Variants in INPP4B observed in about 807,000 individuals in gnomAD.
INPP4B encodes inositol polyphosphate-4-phosphatase type II B, also known as inositol polyphosphate 4-phosphatase type II.
Under a neutral mutation model 122.5 loss-of-function variants are expected in INPP4B, and 55 were observed. The ratio of observed to expected loss-of-function variants is 0.45; its 90% CI spans 0.36 to 0.56. The LOEUF (loss-of-function observed/expected upper bound fraction) is 0.56, where lower values mean the gene tolerates loss of function less well. Ranked by LOEUF, INPP4B falls within the 20% of genes least tolerant of loss-of-function variation. The pLI, the probability that INPP4B is intolerant of heterozygous loss-of-function variation, is 0.00. For synonymous variants in INPP4B, 403 were observed against 388.7 expected (o/e 1.04, Z -0.43); for missense variants, 1,000 against 1,097.7 (o/e 0.91, Z 1.26).
At chr4:142,316,472 T>C (rs377160717) in intron 7 of INPP4B, among the ~76,000 whole-genome samples, 5 of 152,322 alleles carry the variant, frequency 3.3e-5, no homozygotes, top group African/African-American at 1.2e-4. Context: ...TAACTCTGTA[T>C]GTATATGTAT....
intron 18 of INPP4B, among the ~76,000 whole-genome samples, chr4:142,131,619 A>G (rs948265086): frequency 1.3e-5 from 2 of 152,220 alleles, no homozygotes; most frequent in Admixed American, 1.3e-4. Flanking sequence ...AAGTAACCAA[A>G]CAATGTAAAC....
intron 2 of INPP4B, among the ~76,000 whole-genome samples, chr4:142,476,939 T>G (rs982007865): frequency 2.0e-5 from 3 of 152,136 alleles, no homozygotes; most frequent in Non-Finnish European, 4.4e-5. Flanking sequence ...AGACCTGAAC[T>G]TGACATTTGA....
chr4:142,256,532 G>A (rs1257226864), intron 11 of INPP4B, among the ~76,000 whole-genome samples: 21 of 151,992 alleles, frequency 1.4e-4, no homozygotes, highest in African/African-American at 2.7e-4. Context: ...TATCACCACC[G>A]ATCCCACAGA....
chr4:142,782,075 G>A (rs1003407320), intron 1 of INPP4B, among the ~76,000 whole-genome samples: 1 of 151,786 alleles, frequency 6.6e-6, no homozygotes, highest in African/African-American at 2.4e-5. Context: ...CTGGTGTGCT[G>A]CACCCATTAA....
intron 1 of INPP4B, among the ~76,000 whole-genome samples, chr4:142,800,269 T>C (rs1297454335): frequency 4.6e-5 from 7 of 152,106 alleles, no homozygotes; most frequent in Admixed American, 2.0e-4. Flanking sequence ...AAGTGAGTAA[T>C]AATTTATACC....
intron 2 of INPP4B, among the ~76,000 whole-genome samples, chr4:142,652,863 T>G (rs1200215543): frequency 6.6e-6 from 1 of 152,180 alleles, no homozygotes; most frequent in Non-Finnish European, 1.5e-5. Flanking sequence ...AAAAAACTAT[T>G]TTAAAGTTCA....
intron 7 of INPP4B, among the ~76,000 whole-genome samples, chr4:142,399,759 T>C (rs548407003): frequency 6.6e-6 from 1 of 152,286 alleles, no homozygotes; most frequent in African/African-American, 2.4e-5. Context: ...TTATGGCAGC[T>C]CATCCTGAGG....
intron 2 of INPP4B, among the ~76,000 whole-genome samples, chr4:142,577,972 T>C (rs768863289): frequency 5.3e-5 from 8 of 152,018 alleles, no homozygotes; most frequent in African/African-American, 1.9e-4. Context: ...GTTACACTCA[T>C]GTAACCATGT....
At chr4:142,079,887 C>G (rs1347068597) in intron 25 of INPP4B, among the ~76,000 whole-genome samples, 1 of 152,044 alleles carries the variant, frequency 6.6e-6, no homozygotes, top group African/African-American at 2.4e-5. Flanking sequence ...TATTCACAAA[C>G]ATAAAACTAC....
intron 3 of INPP4B, among the ~76,000 whole-genome samples, chr4:142,448,118 A>G (rs1444486393): frequency 6.6e-6 from 1 of 152,034 alleles, no homozygotes; most frequent in Admixed American, 6.6e-5. Flanking sequence ...GTATCTCAGG[A>G]TGACAGGGAT....
chr4:142,550,691 C>A (rs551092641), intron 2 of INPP4B, among the ~76,000 whole-genome samples: 1 of 151,204 alleles, frequency 6.6e-6, no homozygotes, highest in South Asian at 2.1e-4. Context: ...AGTGTTCATT[C>A]AATTCAAACA....
chr4:142,766,451 C>A (rs1465147397), intron 1 of INPP4B, among the ~76,000 whole-genome samples: 1 of 151,772 alleles, frequency 6.6e-6, no homozygotes, highest in East Asian at 1.9e-4. Context: ...GTGGCACAAT[C>A]TTGGCTCACT....
At chr4:142,734,956 T>C (rs1486060385) in intron 1 of INPP4B, among the ~76,000 whole-genome samples, 1 of 152,160 alleles carries the variant, frequency 6.6e-6, no homozygotes, top group African/African-American at 2.4e-5. Context: ...ATTTTTTAAA[T>C]AATTCCTGAT....
chr4:142,706,924 G>A (rs1314553677), intron 2 of INPP4B, among the ~76,000 whole-genome samples: 1 of 152,142 alleles, frequency 6.6e-6, no homozygotes, highest in Non-Finnish European at 1.5e-5. Flanking sequence ...TTTAAAACTT[G>A]GCTTATTAAA....
At chr4:142,780,397 G>A (rs902054057) in intron 1 of INPP4B, among the ~76,000 whole-genome samples, 7 of 152,092 alleles carry the variant, frequency 4.6e-5, no homozygotes, top group East Asian at 1.9e-4. Flanking sequence ...ATCAAAATAC[G>A]AAATGATGGA....
At chr4:142,703,563 G>T (rs1443769456) in intron 2 of INPP4B, among the ~76,000 whole-genome samples, 2 of 152,136 alleles carry the variant, frequency 1.3e-5, no homozygotes, top group Non-Finnish European at 2.9e-5. Context: ...AAACAAATTA[G>T]CAGGTTTGGA....
At chr4:142,032,331 TGGA>T (rs1337244576) in intron 25 of INPP4B, among the ~76,000 whole-genome samples, 4 of 152,012 alleles carry the variant, frequency 2.6e-5, no homozygotes, top group Non-Finnish European at 5.9e-5. Flanking sequence ...CAGACCAAAC[TGGA>T]GGAGAGACTC....
chr4:142,727,341 C>T (rs1271166182), intron 1 of INPP4B, among the ~76,000 whole-genome samples: 4 of 152,104 alleles, frequency 2.6e-5, no homozygotes, highest in Admixed American at 6.6e-5. Flanking sequence ...TATGAACACT[C>T]GATCTAATTC....
chr4:142,776,364 G>C (rs1355156935), intron 1 of INPP4B, among the ~76,000 whole-genome samples: 1 of 152,118 alleles, frequency 6.6e-6, no homozygotes, highest in East Asian at 1.9e-4. Flanking sequence ...AGGTATGAAA[G>C]GGGCCAGAGA....
Sources: allele counts gnomAD v4.1 joint callset (sites outside exome capture counted in the v4.1 genomes callset), GRCh38; gene constraint gnomAD v4.1.1; transcripts MANE v1.5; gene names NCBI Gene and HGNC (gene_info 2026-07-23, HGNC 2026-07-21).